Variants in MEGF10 observed in about 807,000 individuals in gnomAD.
MEGF10 encodes the protein multiple epidermal growth factor-like domains protein 10.
Under a neutral mutation model 147.5 loss-of-function variants are expected in MEGF10, and 86 were observed. That is an observed-to-expected ratio of 0.58 (90% confidence interval 0.49 to 0.70). The LOEUF is 0.70. Ranked by LOEUF, MEGF10 falls within the 30% of genes least tolerant of loss-of-function variation. The pLI, the probability that MEGF10 is intolerant of heterozygous loss-of-function variation, is 0.00. For missense variants in MEGF10, 1,329 were observed against 1,487.3 expected (o/e 0.89, Z 1.75); for synonymous variants, 478 against 525.5 (o/e 0.91, Z 1.24).
chr5:127,334,070 A>G (rs1252447629), intron 2 of MEGF10, among the ~76,000 whole-genome samples: 1 of 152,188 alleles, frequency 6.6e-6, no homozygotes, highest in Non-Finnish European at 1.5e-5. Context: ...AAGAAAGTAG[A>G]ATTGTTTTGA....
At chr5:127,394,945 G>T (rs1763842066) in intron 5 of MEGF10, among the ~76,000 whole-genome samples, 1 of 152,160 alleles carries the variant, frequency 6.6e-6, no homozygotes, top group Non-Finnish European at 1.5e-5. Flanking sequence ...GAAATCCAAG[G>T]TAGAGTCTAA....
intron 9 of MEGF10, among the ~76,000 whole-genome samples, chr5:127,415,665 A>T (rs1764734349): frequency 6.6e-6 from 1 of 152,142 alleles, no homozygotes; most frequent in Admixed American, 6.5e-5. Context: ...GCACTTTGGG[A>T]GGCTGAGACG....
rs1379074962 is a variant in MEGF10, at chr5:127,415,785, C to T, written c.1131-1853C>T. ...TGGGCATGGGGCACACGCCTGTAAT[C>T]CCAGCTACTCGGGAGGCTGAGGCAG... is the stretch of plus-strand genomic sequence containing the variant. On this transcript the variant is annotated intron_variant, in intron 9 of 24. Coordinates refer to ENST00000503335, the MANE Select transcript of MEGF10 (RefSeq NM_001256545.2). Among the ~76,000 whole-genome samples the T allele has an allele frequency of 3.3e-5, 5 of 151,566 alleles. No individual in the cohort carries two copies. The East Asian group carries it at 9.9e-4, about 30-fold the overall frequency.
the MEGF10 span, among the ~76,000 whole-genome samples, chr5:127,279,524 A>C: frequency 1.8e-4 from 28 of 151,962 alleles, no homozygotes; most frequent in Non-Finnish European, 2.9e-4. Flanking sequence ...ATAGCAAGCC[A>C]CCCCTCAGCC....
intron 4 of MEGF10, among the ~76,000 whole-genome samples, chr5:127,369,560 C>T (rs1032151166): frequency 9.9e-5 from 15 of 152,088 alleles, no homozygotes; most frequent in Non-Finnish European, 1.3e-4. Context: ...CTTTGTGTTT[C>T]GTTTCTCTAT....
At chr5:127,442,896 C>T (rs1015020145) in intron 18 of MEGF10, 102 bp from the exon 19 acceptor site, 1 of 1,254,984 alleles carries the variant, frequency 8.0e-7, no homozygotes, top group African/African-American at 1.5e-5. Flanking sequence ...AATAGGAATC[C>T]CCTGAAAGGA....
chr5:127,354,896 A>T (rs915609616), intron 4 of MEGF10, among the ~76,000 whole-genome samples: 1 of 152,168 alleles, frequency 6.6e-6, no homozygotes, highest in African/African-American at 2.4e-5. Flanking sequence ...GGGGGGTCTG[A>T]TTAGGAGAGG....
chr5:127,415,802 C>A (rs1764742496), intron 9 of MEGF10, among the ~76,000 whole-genome samples: 1 of 147,938 alleles, frequency 6.8e-6, no homozygotes, highest in South Asian at 2.2e-4. Flanking sequence ...ACTCGGGAGG[C>A]TGAGGCAGAA....
chr5:127,440,924 T>G, intron 18 of MEGF10, 57 bp downstream of exon 18: 1 of 1,590,096 alleles, frequency 6.3e-7, no homozygotes, highest in Non-Finnish European at 8.6e-7. Flanking sequence ...GAATCACATT[T>G]CCTAGATGCC....
At chr5:127,432,760 A>T (rs539026971) in intron 13 of MEGF10, among the ~76,000 whole-genome samples, 5 of 152,334 alleles carry the variant, frequency 3.3e-5, no homozygotes, top group African/African-American at 1.2e-4. Flanking sequence ...GATAGCATAG[A>T]CAACAGCTAC....
At chr5:127,363,565 G>T (rs1022611253) in intron 4 of MEGF10, among the ~76,000 whole-genome samples, 1 of 152,076 alleles carries the variant, frequency 6.6e-6, no homozygotes, top group Non-Finnish European at 1.5e-5. Flanking sequence ...CTAGAAAGAG[G>T]GACAATAAAT....
At position 127,420,196 on chromosome 5, in the gene MEGF10, C is replaced by T. The variant is rs1481364729; in HGVS notation, c.1579C>T (p.Leu527Phe). Residue 527 changes from leucine to phenylalanine, a missense_variant, in exon 12 of 25, where the codon CTT (leucine) becomes TTT (phenylalanine). Physicochemically the swap from Leu to Phe is conservative, Grantham distance 22. Around this residue, in one of 3 missense-constraint regions of MEGF10, gnomAD observed 980 missense variants for 1,085.9 expected, o/e 0.90. Coordinates refer to ENST00000503335, the MANE Select transcript of MEGF10 (RefSeq NM_001256545.2). ...TGGATGGCGCGGGGAGAAATGCGAA[C>T]TTCCCTGCCAGGTATGCACAAATCA... ...APGWRGEKCELPCQDGTYGLN... is the reference protein window; with the variant it reads ...APGWRGEKCEFPCQDGTYGLN... 6.2e-7 allele frequency: 1 copy of T among 1,614,018 alleles called. No individual in the cohort carries two copies. The highest frequency in any genetic ancestry group is 1.1e-5 in the South Asian group (1 of 91,076).
intron 9 of MEGF10, among the ~76,000 whole-genome samples, chr5:127,414,497 T>C (rs1764683233): frequency 1.3e-5 from 2 of 152,148 alleles, no homozygotes; most frequent in African/African-American, 4.8e-5. Context: ...ATGGTGACAT[T>C]CATGAGTTGT....
At chr5:127,308,541 T>G (rs1760116323) in intron 1 of MEGF10, among the ~76,000 whole-genome samples, 1 of 152,100 alleles carries the variant, frequency 6.6e-6, no homozygotes, top group African/African-American at 2.4e-5. Flanking sequence ...CCATAAAAAA[T>G]GATGAGTTCA....
At chr5:127,405,828 A>G (rs948200739) in intron 8 of MEGF10, among the ~76,000 whole-genome samples, 1 of 151,986 alleles carries the variant, frequency 6.6e-6, no homozygotes, top group Non-Finnish European at 1.5e-5. Context: ...AATTTCATTA[A>G]ATGCCTTTTT....
chr5:127,360,110 T>A (rs1024977417), intron 4 of MEGF10, among the ~76,000 whole-genome samples: 12 of 152,230 alleles, frequency 7.9e-5, no homozygotes, highest in Middle Eastern at 3.4e-3. Flanking sequence ...TTGGGTAAAG[T>A]GTTCTATAAA....
At chr5:127,427,113 C>G (rs1027436441) in intron 13 of MEGF10, among the ~76,000 whole-genome samples, 1 of 152,230 alleles carries the variant, frequency 6.6e-6, no homozygotes, top group Non-Finnish European at 1.5e-5. Context: ...CCCAACTTAG[C>G]CCCTTGGGCA....
At chr5:127,432,179 G>A (rs562402297) in intron 13 of MEGF10, among the ~76,000 whole-genome samples, 4 of 152,254 alleles carry the variant, frequency 2.6e-5, no homozygotes, top group South Asian at 2.1e-4. Context: ...CCTTTACCAC[G>A]TGGGAGACTT....
At chr5:127,359,661 C>G (rs563359547) in intron 4 of MEGF10, among the ~76,000 whole-genome samples, 1 of 152,198 alleles carries the variant, frequency 6.6e-6, no homozygotes, top group South Asian at 2.1e-4. Flanking sequence ...ATTTCTTTTA[C>G]TCATCATAAT....
Sources: allele counts gnomAD v4.1 joint callset (sites outside exome capture counted in the v4.1 genomes callset), GRCh38; gene constraint gnomAD v4.1.1; regional missense constraint gnomAD v4.1.1; transcripts MANE v1.5; gene names NCBI Gene and HGNC (gene_info 2026-07-23, HGNC 2026-07-21).